NIPAL4: variants seen among roughly 807,000 people sequenced by gnomAD.
NIPAL4 encodes NIPA like domain containing 4, also known as magnesium transporter NIPA4.
In NIPAL4, 21 loss-of-function variants were observed where a neutral mutation model predicts 31.6. The ratio of observed to expected loss-of-function variants is 0.67; its 90% CI spans 0.47 to 0.96. The LOEUF (loss-of-function observed/expected upper bound fraction) is 0.96. Among genes scored for constraint, NIPAL4 ranks in the 40% least tolerant of loss-of-function variants. The pLI is 0.00. For missense variants in NIPAL4, 438 were observed against 508.0 expected (o/e 0.86, Z 1.32); for synonymous variants, 175 against 211.1 (o/e 0.83, Z 1.48).
chr5:157,463,964 C>T (rs918974504), intron 2 of NIPAL4, among the ~76,000 whole-genome samples: 2 of 152,084 alleles, frequency 1.3e-5, no homozygotes, highest in Admixed American at 6.5e-5. Flanking sequence ...TCAGTGTCCT[C>T]GTGGAACCTT....
intron 1 of NIPAL4, among the ~76,000 whole-genome samples, chr5:157,461,811 G>A (rs2113657513): frequency 6.6e-6 from 1 of 152,332 alleles, no homozygotes; most frequent in African/African-American, 2.4e-5. Flanking sequence ...CCCTTTCTCA[G>A]GGCCTCAGTT....
rs750739195 is a variant in NIPAL4 at position 157,471,847 on chromosome 5, A to T, written c.586+30A>T. On this transcript the variant is annotated intron_variant, in intron 5 of 5. Coordinates refer to ENST00000311946, the MANE Select transcript of NIPAL4 (RefSeq NM_001099287.2). ...ACTCCAAGCCCCTGAAGAGCAGGAA[A>T]ATACTGGAGGTTGAACACCCCCTAC... 5 of 1,548,474 alleles carry T rather than the reference A, an allele frequency of 3.2e-6. No homozygotes were observed. In the South Asian group the frequency reaches 5.9e-5, roughly 18 times the overall value.
Position 157,472,423 on chromosome 5 carries a change from C to T in NIPAL4, c.678C>T (p.Ile226=). Residue 226 remains isoleucine (I), a synonymous_variant, in exon 6 of 6, where the codon ATC becomes ATT. Transcript: ENST00000311946. ...APRYGQRNIL[I]YIIICSVIGA... ...GTTACGGGCAAAGGAATATCCTCAT[C>T]TACATCATCATCTGCTCTGTGATCG... 6.2e-7 allele frequency: 1 copy of T among 1,613,870 alleles called. No homozygotes were observed. The highest frequency in any genetic ancestry group is 1.1e-5 in the South Asian group (1 of 91,052).
chr5:157,462,652 G>T (rs1174182361), intron 1 of NIPAL4, among the ~76,000 whole-genome samples: 4 of 152,176 alleles, frequency 2.6e-5, no homozygotes, highest in Non-Finnish European at 5.9e-5. Context: ...TTGGCTTTGG[G>T]CAGGTTACTA....
chr5:157,461,443 C>A (rs142445680), intron 1 of NIPAL4, among the ~76,000 whole-genome samples: 5 of 152,292 alleles, frequency 3.3e-5, no homozygotes, highest in African/African-American at 9.6e-5. Flanking sequence ...TTCGTTGGCT[C>A]CATCTGCTAG....
Position 157,463,090 on chromosome 5 carries a change from C to A in NIPAL4, c.38-4C>A. 1 of 1,613,808 alleles carries A rather than the reference C, an allele frequency of 6.2e-7. No homozygotes were observed. The highest frequency in any genetic ancestry group is 1.1e-5 in the South Asian group (1 of 91,070). On this transcript the variant is annotated splice_polypyrimidine_tract_variant and splice_region_variant and intron_variant, in intron 1 of 5. Transcript: ENST00000311946. ...GACTCTCTCACTGTGGTCTTCCCAT[C>A]CAGGTTCCCTGCTCCACCTCTACTG...
chr5:157,472,123 T>A lies in NIPAL4; in HGVS notation c.587-209T>A, dbSNP rs1754457243. Among the ~76,000 whole-genome samples, 3 of 152,194 alleles carry A rather than the reference T, an allele frequency of 2.0e-5. No homozygotes were observed. In the South Asian group the frequency reaches 6.2e-4, roughly 32 times the overall value. On this transcript the variant is annotated intron_variant, in intron 5 of 5. Transcript: ENST00000311946. ...TTTATGAGGATGATCCTATTGTTGGTCCTCTTTTACAAATGGGGAAACTGA... is the reference window on the plus strand; with the variant it reads ...TTTATGAGGATGATCCTATTGTTGGACCTCTTTTACAAATGGGGAAACTGA...
intron 4 of NIPAL4, among the ~76,000 whole-genome samples, chr5:157,470,664 T>C (rs548058486): frequency 6.6e-6 from 1 of 152,298 alleles, no homozygotes; most frequent in East Asian, 1.9e-4. Context: ...CACTGGCTTA[T>C]ACAAATGAAA....
rs1754468040 is a variant in NIPAL4 at position 157,472,479 on chromosome 5, T to G, written c.734T>G (p.Leu245Arg). Residue 245 changes from leucine (L) to arginine (R), a missense_variant, in exon 6 of 6, where the codon CTG becomes CGG. Coordinates refer to ENST00000311946, the MANE Select transcript of NIPAL4 (RefSeq NM_001099287.2). ...GAFSVAAVKG[L>R]GITIKNFFQG... is the part of the protein sequence containing the mutation. The stretch of plus-strand genomic sequence containing the variant: ...TTCTCTGTGGCTGCTGTCAAGGGGC[T>G]GGGCATCACCATCAAGAACTTCTTC... 1 of 1,613,912 alleles carries G rather than the reference T, an allele frequency of 6.2e-7. No homozygotes were observed.
chr5:157,471,537 T>G, intron 4 of NIPAL4, 120 bp from the exon 5 acceptor site: 714 of 740,788 alleles, frequency 9.6e-4, no homozygotes, highest in Non-Finnish European at 1.3e-3. Context: ...ACCTTCCACG[T>G]GAGAAACTAG....
chr5:157,462,881 C>T lies in NIPAL4; in HGVS notation c.38-213C>T, dbSNP rs116697090. On this transcript the variant is annotated intron_variant, in intron 1 of 5. Transcript: ENST00000311946. ...TTGTGCCCAGGTTTGTTATCTGGCA[C>T]GTGGTGGTACAAATTTGTTGTGGTC... 7.9e-4 allele frequency among the ~76,000 whole-genome samples: 121 copies of T among 152,272 alleles called. 1 individual carries two copies. The highest frequency in any genetic ancestry group is 2.8e-3 in the African/African-American group (118 of 41,544).
intron 2 of NIPAL4, among the ~76,000 whole-genome samples, chr5:157,465,512 A>T (rs1487497962): frequency 6.6e-6 from 1 of 152,186 alleles, no homozygotes; most frequent in Non-Finnish European, 1.5e-5. Flanking sequence ...ATCTATCATC[A>T]TCCATTATTA....
intron 2 of NIPAL4, 51 bp downstream of exon 2, chr5:157,463,384 C>T: frequency 6.5e-7 from 1 of 1,545,590 alleles, no homozygotes; most frequent in Non-Finnish European, 8.7e-7. Flanking sequence ...TGAGCTCTCA[C>T]AAGGTCCGGG....
At chr5:157,465,938 A>G (rs1327636053) in intron 2 of NIPAL4, among the ~76,000 whole-genome samples, 1 of 151,996 alleles carries the variant, frequency 6.6e-6, no homozygotes, top group Non-Finnish European at 1.5e-5. Flanking sequence ...GGCTTCATTG[A>G]GCTATGATCA....
chr5:157,471,577 G>A (rs949797247), intron 4 of NIPAL4, 80 bp from the exon 5 acceptor site: 1 of 1,106,282 alleles, frequency 9.0e-7, no homozygotes, highest in Non-Finnish European at 1.3e-6. Context: ...CTCTGTGAGT[G>A]CTTGCTCAGG....
Position 157,460,371 on chromosome 5 carries a change from G to T in NIPAL4, c.37+14G>T. The T allele has an allele frequency of 6.5e-7, 1 of 1,540,610 alleles. No individual in the cohort carries two copies. Among genetic ancestry groups the T allele is most frequent in the Non-Finnish European group, 8.7e-7 (1 of 1,143,786 alleles). On this transcript the variant is annotated intron_variant, in intron 1 of 5. Coordinates refer to ENST00000311946, the MANE Select transcript of NIPAL4 (RefSeq NM_001099287.2). The stretch of plus-strand genomic sequence containing the variant: ...GCTGCGAGAACGGTGCGTACGGCAG[G>T]GCTGGGGACCAGGCGGGCTCCGCGC...
At chr5:157,463,405 AAG>A in intron 2 of NIPAL4, 72 bp downstream of exon 2, 1 of 1,482,330 alleles carries the variant, frequency 6.7e-7, no homozygotes, top group Non-Finnish European at 9.0e-7. Flanking sequence ...GCTGTAGTCT[AAG>A]AGGATGGCCT....
intron 1 of NIPAL4, among the ~76,000 whole-genome samples, chr5:157,462,381 G>A (rs903354841): frequency 9.9e-5 from 15 of 152,266 alleles, no homozygotes; most frequent in Non-Finnish European, 7.3e-5. Flanking sequence ...GGCCAGGCAC[G>A]GTGGCTCACG....
chr5:157,462,319 C>T (rs982350700), intron 1 of NIPAL4, among the ~76,000 whole-genome samples: 2 of 152,124 alleles, frequency 1.3e-5, no homozygotes, highest in African/African-American at 4.8e-5. Context: ...TCTGAATTTT[C>T]ATGGAAAATC....
Sources: allele counts gnomAD v4.1 joint callset (sites outside exome capture counted in the v4.1 genomes callset), GRCh38; gene constraint gnomAD v4.1.1; transcripts MANE v1.5; gene names NCBI Gene and HGNC (gene_info 2026-07-23, HGNC 2026-07-21).